CWC22: variants seen among roughly 807,000 people sequenced by gnomAD.
CWC22 encodes CWC22 spliceosome associated protein.
In CWC22, 53 loss-of-function variants were observed where a neutral mutation model predicts 117.2. That is an observed-to-expected ratio of 0.45 (90% CI 0.36 to 0.57). CWC22 has a LOEUF of 0.57. CWC22 is among the 20% of genes least tolerant of loss of function. The probability of loss-of-function intolerance (pLI) is 0.00; values close to 1 mark genes in which losing one functional copy is unlikely to be tolerated. For missense variants in CWC22, 980 were observed against 1,068.8 expected, an observed-to-expected ratio of 0.92 and a Z score of 1.16; for synonymous variants, 360 against 355.6, an observed-to-expected ratio of 1.01 and a Z score of -0.14.
Position 179,959,015 on chromosome 2 carries a change from A to C in CWC22, c.1458+7T>G, listed in dbSNP as rs1472035432. The C allele has an allele frequency of 2.0e-6, 3 of 1,515,644 alleles. No individual in the cohort carries two copies. The African/African-American group carries it at 4.1e-5, about 21-fold the overall frequency. 93.9% of individuals were successfully genotyped at this position (1,515,644 alleles called of 1,614,324 possible). ...TACATTTCCTAATAGAAAAAGTATT[A>C]ACATACTGTTTGGCTTTCAGGAAAC... On this transcript the variant is annotated splice_region_variant and intron_variant, in intron 14 of 19. Coordinates refer to ENST00000410053, the MANE Select transcript of CWC22 (RefSeq NM_020943.3).
intron 4 of CWC22, among the ~76,000 whole-genome samples, chr2:179,982,879 T>A (rs1334467798): frequency 6.6e-6 from 1 of 152,180 alleles, no homozygotes; most frequent in Non-Finnish European, 1.5e-5. Context: ...ACCCAGATCA[T>A]TCTGTTTGTG....
intron 3 of CWC22, among the ~76,000 whole-genome samples, chr2:179,987,757 C>T (rs1687457708): frequency 6.6e-6 from 1 of 152,046 alleles, no homozygotes; most frequent in East Asian, 1.9e-4. Context: ...AGACCATATG[C>T]TTAATGGTCT....
intron 4 of CWC22, among the ~76,000 whole-genome samples, chr2:179,985,353 T>G (rs8179655): frequency 0.75 from 114,455 of 151,932 alleles, 43,460 homozygotes; most frequent in Middle Eastern, 0.81. Flanking sequence ...AGTATTTCCA[T>G]CTGCAGAATG....
chr2:179,954,358 C>A lies in CWC22; in HGVS notation c.1537-1G>T. The A allele has an allele frequency of 2.6e-6, 4 of 1,543,254 alleles. No individual in the cohort carries two copies. The highest frequency in any genetic ancestry group is 2.3e-5 in the East Asian group (1 of 43,500). Reference sequence around the variant, plus strand: ...ACTCTTTCTTTAGCATGCAAAATCGCTAATAAATAAAAAATCAGTACCATT... The same window carrying A: ...ACTCTTTCTTTAGCATGCAAAATCGATAATAAATAAAAAATCAGTACCATT... On this transcript the variant is annotated splice_acceptor_variant, in intron 15 of 19. Transcript: ENST00000410053. LOFTEE classifies it high-confidence loss of function.
At chr2:179,988,497 T>A in intron 3 of CWC22, 80 bp downstream of exon 3, 1 of 755,342 alleles carries the variant, frequency 1.3e-6, no homozygotes, top group Non-Finnish European at 2.1e-6. Flanking sequence ...ACCCTAAAAT[T>A]AGAAATCTAA....
At chr2:179,946,307 C>A (rs1262776310) in intron 19 of CWC22, among the ~76,000 whole-genome samples, 1 of 151,702 alleles carries the variant, frequency 6.6e-6, no homozygotes, top group African/African-American at 2.4e-5. Flanking sequence ...AAAAATTAGC[C>A]AGCTGTGGTG....
Position 179,945,630 on chromosome 2 carries a change from CCTATCATTTGTTTG to C in CWC22, c.2212_2225del (p.Gln738GlufsTer17). 1 of 1,612,682 alleles carries C rather than the reference CCTATCATTTGTTTG, an allele frequency of 6.2e-7. No individual in the cohort carries two copies. The highest frequency in any genetic ancestry group is 8.5e-7 in the Non-Finnish European group (1 of 1,179,492). On this transcript the variant is annotated frameshift_variant, in exon 20 of 20. Coordinates refer to ENST00000410053, the MANE Select transcript of CWC22 (RefSeq NM_020943.3). LOFTEE classifies it high-confidence loss of function. Reference sequence around the variant, plus strand: ...GTTCTTGTCTTCTTTCTTTTTGTTTCCTATCATTTGTTTGCTGGTTTCTGATCAATTTATCTACC... The same window carrying C: ...GTTCTTGTCTTCTTTCTTTTTGTTTCCTGGTTTCTGATCAATTTATCTACC...
intron 4 of CWC22, among the ~76,000 whole-genome samples, chr2:179,983,484 G>C (rs922526054): frequency 6.6e-6 from 1 of 152,090 alleles, no homozygotes; most frequent in Non-Finnish European, 1.5e-5. Context: ...TGGTGTATAA[G>C]TACGACATTT....
Position 180,007,173 on chromosome 2 carries a change from C to G in CWC22, c.-420G>C, listed in dbSNP as rs922370717. The G allele has an allele frequency of 1.3e-5, 2 of 152,228 alleles. No homozygotes were observed. Among genetic ancestry groups the G allele is most frequent in the African/African-American group, 4.8e-5 (2 of 41,456 alleles). 9.4% of individuals were successfully genotyped at this position (152,228 alleles called of 1,614,324 possible). A position where few individuals can be genotyped will look rare whatever the true frequency, so the allele number is the denominator to read the frequency against. Reference sequence around the variant, plus strand: ...AATAGTGAAATATTTAAAAACTTGACGCTCAATTGGCTTGACACGTTATCC... The same window carrying G: ...AATAGTGAAATATTTAAAAACTTGAGGCTCAATTGGCTTGACACGTTATCC... On this transcript the variant is annotated 5_prime_UTR_variant, in exon 1 of 20. Transcript: ENST00000410053.
chr2:179,999,253 A>G (rs899693258), intron 1 of CWC22, among the ~76,000 whole-genome samples: 2 of 152,148 alleles, frequency 1.3e-5, no homozygotes, highest in African/African-American at 4.8e-5. Flanking sequence ...CTGAAATGAG[A>G]GCAATTTATC....
rs1686252483 is a variant in CWC22, at chr2:179,944,956, G to T, written c.*173C>A. 4.4e-6 allele frequency: 2 copies of T among 453,230 alleles called. No individual in the cohort carries two copies. The highest frequency in any genetic ancestry group is 3.8e-6 in the Non-Finnish European group (1 of 262,512). 28.1% of individuals were successfully genotyped at this position (453,230 alleles called of 1,614,324 possible). A position where few individuals can be genotyped will look rare whatever the true frequency, so the allele number is the denominator to read the frequency against. The stretch of plus-strand genomic sequence containing the variant: ...GTGAAAGTTTTCAAATAATTTTATG[G>T]GTAGGGCCTTGAGATGTATCAATTA... On this transcript the variant is annotated 3_prime_UTR_variant, in exon 20 of 20. Coordinates refer to ENST00000410053, the MANE Select transcript of CWC22 (RefSeq NM_020943.3).
Position 179,945,695 on chromosome 2 carries a change from C to T in CWC22, c.2161G>A (p.Gly721Arg), listed in dbSNP as rs1009726838. 3.0e-5 allele frequency: 47 copies of T among 1,592,388 alleles called. No homozygotes were observed. Among genetic ancestry groups the T allele is most frequent in the Non-Finnish European group, 4.0e-5 (47 of 1,173,354 alleles). Residue 721 changes from glycine to arginine, a missense_variant, in exon 20 of 20, where the codon GGA becomes AGA. Coordinates refer to ENST00000410053, the MANE Select transcript of CWC22 (RefSeq NM_020943.3). The stretch of plus-strand genomic sequence containing the variant: ...TCTTTACTTCTGGTCTTCCCATGTC[C>T]CTTCTTTCTTACATCATTAGCTGCG... ...SASANDVRKK[G>R]HGKTRSKEVD...
At chr2:179,988,468 C>A in intron 3 of CWC22, 109 bp downstream of exon 3, 1 of 625,512 alleles carries the variant, frequency 1.6e-6, no homozygotes, top group South Asian at 2.1e-5. Context: ...GTTATAAAAC[C>A]ATTAAAAAGA....
At position 179,986,695 on chromosome 2, in the gene CWC22, C is replaced by T. The variant is rs761629997; in HGVS notation, c.206G>A (p.Arg69Gln). 11 of 1,540,074 alleles carry T rather than the reference C, an allele frequency of 7.1e-6. No homozygotes were observed. The highest frequency in any genetic ancestry group is 1.1e-5 in the South Asian group (1 of 87,118). The change falls in exon 4 of 20, where the codon CGA becomes CAA. Residue 69 changes from arginine to glutamine, a missense_variant and splice_region_variant. Arg to Gln is a conservative substitution (Grantham distance 43). This residue lies in a region of CWC22 where 559 missense variants were observed against 602.3 expected (regional missense o/e 0.93). Transcript: ENST00000410053. The part of the protein sequence containing the change: ...GRSYDSSMES[R>Q]NRDREKRRER... The stretch of plus-strand genomic sequence containing the variant: ...CAAGTTAGAAATTCCCAACACTAAC[C>T]GTGACTCCATGCTACTATCATAAGA...
In CWC22 at chr2:179,999,074, G is replaced by C. The variant is rs191768622; in HGVS notation, c.-113-5620C>G. On this transcript the variant is annotated intron_variant, in intron 1 of 19. Coordinates refer to ENST00000410053, the MANE Select transcript of CWC22 (RefSeq NM_020943.3). ...AAAGTACAATCTGTTACATTTCCAT[G>C]TCTCACAACGTAAGTGTGAAAATGA... Among the ~76,000 whole-genome samples, 20 of 152,128 alleles carry C rather than the reference G, an allele frequency of 1.3e-4. No individual in the cohort carries two copies. In the East Asian group the frequency reaches 3.9e-3, roughly 29 times the overall value.
At chr2:179,961,392 T>A (rs531864165) in intron 13 of CWC22, among the ~76,000 whole-genome samples, 46 of 151,974 alleles carry the variant, frequency 3.0e-4, no homozygotes, top group Admixed American at 9.2e-4. Context: ...GAGGGTTTCC[T>A]AAGCACAACA....
chr2:179,994,278 C>T (rs965633252), intron 1 of CWC22, among the ~76,000 whole-genome samples: 3 of 151,842 alleles, frequency 2.0e-5, no homozygotes, highest in Non-Finnish European at 2.9e-5. Context: ...GAGAAAGCAA[C>T]GTGCTTAGTA....
intron 14 of CWC22, among the ~76,000 whole-genome samples, chr2:179,956,589 T>G (rs1686596788): frequency 6.7e-6 from 1 of 149,612 alleles, no homozygotes. Context: ...GTGCTATATA[T>G]ATATATAAAT....
intron 19 of CWC22, among the ~76,000 whole-genome samples, chr2:179,946,615 C>T (rs1195801183): frequency 6.6e-6 from 1 of 152,058 alleles, no homozygotes; most frequent in Non-Finnish European, 1.5e-5. Flanking sequence ...TCAAATGGTA[C>T]ATTTCTACTT....
Sources: allele counts gnomAD v4.1 joint callset (sites outside exome capture counted in the v4.1 genomes callset), GRCh38; gene constraint gnomAD v4.1.1; regional missense constraint gnomAD v4.1.1; transcripts MANE v1.5; gene names NCBI Gene and HGNC (gene_info 2026-07-23, HGNC 2026-07-21).